Variants in OSBPL8 observed in about 807,000 individuals in gnomAD.
OSBPL8 encodes the protein oxysterol binding protein like 8.
In OSBPL8, 59 loss-of-function variants were observed where a neutral mutation model predicts 125.5. The observed-to-expected ratio is 0.47, with a 90% confidence interval of 0.38 to 0.58. The LOEUF (loss-of-function observed/expected upper bound fraction) is 0.58. OSBPL8 is among the 20% of genes least tolerant of loss of function. The pLI, the probability that OSBPL8 is intolerant of heterozygous loss-of-function variation, is 0.00. For synonymous variants in OSBPL8, 330 were observed against 338.9 expected (o/e 0.97, Z 0.29); for missense variants, 758 against 1,047.8 (o/e 0.72, Z 3.82).
chr12:76,441,366 G>GA (rs1230142549), intron 4 of OSBPL8, among the ~76,000 whole-genome samples: 1 of 151,980 alleles, frequency 6.6e-6, no homozygotes, highest in Admixed American at 6.5e-5. Flanking sequence ...CCAAAAAAAA[G>GA]AAAAAATTCT....
chr12:76,406,305 GGTTT>G (rs1363438721), intron 5 of OSBPL8, among the ~76,000 whole-genome samples: 3 of 152,090 alleles, frequency 2.0e-5, no homozygotes, highest in African/African-American at 7.2e-5. Context: ...GGTTTAGAAA[GGTTT>G]GTTAACTATC....
chr12:76,367,229 G>GGTGTGTGTGTGTGTGT (rs71311108), intron 21 of OSBPL8, among the ~76,000 whole-genome samples: 1 of 147,168 alleles, frequency 6.8e-6, no homozygotes, highest in Non-Finnish European at 1.5e-5. Flanking sequence ...TTTGTTGATT[G>GGTGTGTGTGTGTGTGT]GTGTGTGTGT....
At chr12:76,548,735 C>A (rs1950853693) in intron 1 of OSBPL8, among the ~76,000 whole-genome samples, 1 of 151,920 alleles carries the variant, frequency 6.6e-6, no homozygotes, top group South Asian at 2.1e-4. Flanking sequence ...GTGCTCTGGC[C>A]AGAATTCCTA....
chr12:76,432,851 G>A (rs557167429), intron 4 of OSBPL8, among the ~76,000 whole-genome samples: 1 of 152,176 alleles, frequency 6.6e-6, no homozygotes, highest in South Asian at 2.1e-4. Context: ...TACACATGAT[G>A]TATACTTAAT....
chr12:76,455,478 T>C (rs1354558150), intron 3 of OSBPL8, among the ~76,000 whole-genome samples: 2 of 152,248 alleles, frequency 1.3e-5, no homozygotes, highest in African/African-American at 4.8e-5. Flanking sequence ...TGTCCATGTC[T>C]TGAATAACTT....
intron 1 of OSBPL8, among the ~76,000 whole-genome samples, chr12:76,515,335 G>A (rs1426873792): frequency 1.3e-5 from 2 of 151,918 alleles, no homozygotes; most frequent in African/African-American, 4.8e-5. Context: ...TTCTCTTTCA[G>A]ACATTTTCAC....
intron 2 of OSBPL8, among the ~76,000 whole-genome samples, chr12:76,483,472 G>A (rs1398075650): frequency 6.8e-6 from 1 of 147,192 alleles, no homozygotes; most frequent in African/African-American, 2.5e-5. Flanking sequence ...GCTGAGGCAG[G>A]CAAACTGCTT....
intron 21 of OSBPL8, among the ~76,000 whole-genome samples, chr12:76,363,376 C>A (rs1331032612): frequency 6.6e-6 from 1 of 152,190 alleles, no homozygotes; most frequent in Non-Finnish European, 1.5e-5. Flanking sequence ...ACCATCTGAT[C>A]TTGGACAAAC....
At chr12:76,538,805 G>C (rs187472326) in intron 1 of OSBPL8, among the ~76,000 whole-genome samples, 1 of 151,574 alleles carries the variant, frequency 6.6e-6, no homozygotes, top group Non-Finnish European at 1.5e-5. Context: ...AACATTAGCC[G>C]GCTGTGGTGG....
chr12:76,478,430 C>T (rs1301520879), intron 2 of OSBPL8, among the ~76,000 whole-genome samples: 1 of 152,128 alleles, frequency 6.6e-6, no homozygotes, highest in Non-Finnish European at 1.5e-5. Context: ...AAGAAAATCT[C>T]CAAGAATAAT....
intron 12 of OSBPL8, among the ~76,000 whole-genome samples, chr12:76,389,230 G>A (rs1213000753): frequency 2.0e-5 from 3 of 152,094 alleles, no homozygotes; most frequent in South Asian, 4.1e-4. Context: ...CTGGTAAGCC[G>A]TACATACCTC....
Position 76,397,774 on chromosome 12 carries a change from T to C in OSBPL8, c.592A>G (p.Ile198Val). ...TCCTTTTTTGATGGACGTTCAATGA[T>C]TTCACAGGCATTCAGAAGAACTGTT... is the stretch of plus-strand genomic sequence containing the variant. ...VGTVLLNACE[I>V]IERPSKKDGF... The change falls in exon 8 of 24, where the codon ATC (isoleucine) becomes GTC (valine). Residue 198 changes from isoleucine to valine, a missense_variant. Around this residue, in one of 3 missense-constraint regions of OSBPL8, gnomAD observed 69 missense variants for 148.7 expected, o/e 0.46. Transcript: ENST00000261183. The C allele has an allele frequency of 6.2e-7, 1 of 1,614,132 alleles. No homozygotes were observed. The highest frequency in any genetic ancestry group is 8.5e-7 in the Non-Finnish European group (1 of 1,180,018).
chr12:76,531,744 A>C (rs1398338797), intron 1 of OSBPL8, among the ~76,000 whole-genome samples: 1 of 152,162 alleles, frequency 6.6e-6, no homozygotes, highest in Non-Finnish European at 1.5e-5. Context: ...CACTAAAAAA[A>C]ACTGACCAAA....
At chr12:76,392,365 A>T (rs1257804153) in intron 10 of OSBPL8, among the ~76,000 whole-genome samples, 1 of 152,166 alleles carries the variant, frequency 6.6e-6, no homozygotes, top group Non-Finnish European at 1.5e-5. Flanking sequence ...TATTTGGGAA[A>T]GATAAAGTAA....
At chr12:76,515,701 G>T (rs1350776990) in intron 1 of OSBPL8, among the ~76,000 whole-genome samples, 1 of 152,028 alleles carries the variant, frequency 6.6e-6, no homozygotes, top group East Asian at 1.9e-4. Context: ...GAGCAGGGGA[G>T]GTTCCCCTGC....
At chr12:76,433,084 AATAAAGACCACAT>A (rs982573613) in intron 4 of OSBPL8, among the ~76,000 whole-genome samples, 9 of 152,226 alleles carry the variant, frequency 5.9e-5, no homozygotes, top group Admixed American at 3.9e-4. Flanking sequence ...ATGTAAACAC[AATAAAGACCACAT>A]ATGAAATGCC....
At chr12:76,461,183 A>G (rs1313046006) in intron 2 of OSBPL8, among the ~76,000 whole-genome samples, 2 of 152,118 alleles carry the variant, frequency 1.3e-5, no homozygotes, top group Non-Finnish European at 2.9e-5. Flanking sequence ...CCACCACACC[A>G]GGCCCTAAAT....
chr12:76,475,721 A>C (rs1876722647), intron 2 of OSBPL8, among the ~76,000 whole-genome samples: 2 of 152,144 alleles, frequency 1.3e-5, no homozygotes, highest in African/African-American at 2.4e-5. Context: ...CTGGAGATGG[A>C]GAAAGTGGAG....
chr12:76,420,573 A>T (rs867080077), intron 4 of OSBPL8, among the ~76,000 whole-genome samples: 1 of 152,018 alleles, frequency 6.6e-6, no homozygotes, highest in Non-Finnish European at 1.5e-5. Context: ...AGAAAAAAAT[A>T]TTTTTTTCAG....
Sources: gnomAD v4.1 joint callset for allele counts (sites outside exome capture counted in the v4.1 genomes callset) on GRCh38, gnomAD v4.1.1 for gene constraint, gnomAD v4.1.1 regional missense constraint, MANE v1.5 for transcripts, NCBI Gene and HGNC (gene_info 2026-07-23, HGNC 2026-07-21) for gene names.